DCLK1: variants seen among roughly 807,000 people sequenced by gnomAD.
The protein encoded by DCLK1 is doublecortin like kinase 1.
A neutral mutation model predicts 86.2 loss-of-function variants in DCLK1; 16 were observed. The ratio of observed to expected loss-of-function variants is 0.19; its 90% CI spans 0.13 to 0.28. DCLK1 has a LOEUF of 0.28. DCLK1 is among the 10% of genes least tolerant of loss of function. The pLI is 1.00. For missense variants in DCLK1, 590 were observed against 940.2 expected (o/e 0.63, Z 4.87); for synonymous variants, 369 against 370.5 (o/e 1.00, Z 0.05).
intron 4 of DCLK1, among the ~76,000 whole-genome samples, chr13:35,880,392 C>G (rs1322626982): frequency 6.6e-6 from 1 of 152,152 alleles, no homozygotes; most frequent in Non-Finnish European, 1.5e-5. Context: ...AGGCTGCCCT[C>G]TAGGTAAGGT....
At chr13:35,777,971 C>T (rs1245556358) in intron 16 of DCLK1, among the ~76,000 whole-genome samples, 6 of 152,228 alleles carry the variant, frequency 3.9e-5, no homozygotes, top group Non-Finnish European at 7.3e-5. Context: ...TTTGTAGACT[C>T]TTTGGAGGAC....
chr13:36,114,578 C>G (rs942014970), intron 2 of DCLK1, among the ~76,000 whole-genome samples: 3 of 152,174 alleles, frequency 2.0e-5, no homozygotes, highest in African/African-American at 7.2e-5. Context: ...AATAAATTTC[C>G]ATTGATTTCC....
intron 4 of DCLK1, among the ~76,000 whole-genome samples, chr13:35,911,628 A>G (rs1408451401): frequency 6.6e-6 from 1 of 152,204 alleles, no homozygotes; most frequent in African/African-American, 2.4e-5. Context: ...TCTGCCACCC[A>G]GAACATTACA....
chr13:36,005,823 T>C lies in DCLK1; in HGVS notation c.724-58366A>G, dbSNP rs1056551169. On this transcript the variant is annotated intron_variant, in intron 3 of 16. Coordinates refer to ENST00000360631, the MANE Select transcript of DCLK1 (RefSeq NM_001330071.2). ...AATGTGGCACATATATGCCATGGAA[T>C]ACTATGCAGCCATAAAAAAGAATGA... is the stretch of plus-strand genomic sequence containing the variant. Among the ~76,000 whole-genome samples the C allele has an allele frequency of 9.2e-5, 14 of 152,180 alleles. 1 individual carries two copies. The highest frequency in any genetic ancestry group is 7.9e-4 in the Admixed American group (12 of 15,284).
chr13:36,034,297 T>G (rs1179555347), intron 3 of DCLK1, among the ~76,000 whole-genome samples: 1 of 152,214 alleles, frequency 6.6e-6, no homozygotes, highest in South Asian at 2.1e-4. Flanking sequence ...AGAAATTAAA[T>G]TAGAATTTTA....
intron 3 of DCLK1, among the ~76,000 whole-genome samples, chr13:36,070,924 C>T (rs140008478): frequency 6.6e-6 from 1 of 152,112 alleles, no homozygotes; most frequent in Non-Finnish European, 1.5e-5. Context: ...GGATTACAGG[C>T]GTGAGCCACC....
intron 4 of DCLK1, among the ~76,000 whole-genome samples, chr13:35,885,691 A>G (rs1873185278): frequency 6.6e-6 from 1 of 152,210 alleles, no homozygotes; most frequent in African/African-American, 2.4e-5. Flanking sequence ...AAAATCAGGC[A>G]TTAAATTAGG....
chr13:35,849,681 A>G (rs1870466345), intron 6 of DCLK1: 1 of 984,364 alleles, frequency 1.0e-6, no homozygotes, highest in African/African-American at 1.7e-5. Flanking sequence ...CATAGACTTA[A>G]TTGGTTTAAC....
chr13:35,952,171 T>TA (rs1183325447), intron 3 of DCLK1, among the ~76,000 whole-genome samples: 4 of 152,172 alleles, frequency 2.6e-5, no homozygotes, highest in Non-Finnish European at 5.9e-5. Context: ...ATCGAGTGCA[T>TA]ACGTAATATA....
chr13:35,818,609 G>A (rs1227607850), intron 11 of DCLK1, among the ~76,000 whole-genome samples: 1 of 152,098 alleles, frequency 6.6e-6, no homozygotes, highest in Non-Finnish European at 1.5e-5. Flanking sequence ...AAAAACTAGT[G>A]ATGTGAGTTA....
chr13:35,829,511 T>C (rs564246463), intron 8 of DCLK1, among the ~76,000 whole-genome samples: 43 of 152,292 alleles, frequency 2.8e-4, no homozygotes, highest in African/African-American at 1.0e-3. Context: ...TTAAGTGGGA[T>C]TTCCTGGTTA....
At chr13:35,888,588 G>C (rs1222314227) in intron 4 of DCLK1, among the ~76,000 whole-genome samples, 1 of 152,184 alleles carries the variant, frequency 6.6e-6, no homozygotes, top group Non-Finnish European at 1.5e-5. Flanking sequence ...TACGAAGGCA[G>C]CCATCTAATA....
chr13:35,851,148 T>C (rs974594392), intron 6 of DCLK1, among the ~76,000 whole-genome samples: 10 of 152,168 alleles, frequency 6.6e-5, no homozygotes, highest in Admixed American at 3.9e-4. Context: ...TACCTCACAA[T>C]AAAATAATTT....
intron 4 of DCLK1, among the ~76,000 whole-genome samples, chr13:35,880,525 T>C (rs987177452): frequency 1.3e-5 from 2 of 152,168 alleles, no homozygotes; most frequent in Admixed American, 1.3e-4. Context: ...TTTTCTTACC[T>C]ATTGAGATGT....
intron 8 of DCLK1, among the ~76,000 whole-genome samples, chr13:35,835,628 A>G (rs1403250247): frequency 1.3e-5 from 2 of 152,222 alleles, no homozygotes; most frequent in Non-Finnish European, 2.9e-5. Context: ...AAGCTTTTCA[A>G]GATGATCGTG....
At chr13:36,026,457 T>C (rs1882037564) in intron 3 of DCLK1, among the ~76,000 whole-genome samples, 1 of 152,320 alleles carries the variant, frequency 6.6e-6, no homozygotes, top group African/African-American at 2.4e-5. Context: ...AAAGCAAAGA[T>C]CTAATCAATT....
chr13:35,904,470 G>A lies in DCLK1; in HGVS notation c.824-33130C>T, dbSNP rs536492104. Among the ~76,000 whole-genome samples the A allele has an allele frequency of 4.6e-5, 7 of 152,346 alleles. 1 individual carries two copies. The highest frequency in any genetic ancestry group is 1.4e-4 in the African/African-American group (6 of 41,586). On this transcript the variant is annotated intron_variant, in intron 4 of 16. Transcript: ENST00000360631. ...ACCTCCCAAAGTGCTGAGATTACAG[G>A]CATAAGCCACTGTGCCTGGCCTAAT...
chr13:35,946,473 C>T (rs1426322991), intron 4 of DCLK1, among the ~76,000 whole-genome samples: 1 of 152,234 alleles, frequency 6.6e-6, no homozygotes, highest in African/African-American at 2.4e-5. Context: ...GTGACCACAT[C>T]ACTTTTCCCA....
chr13:36,098,924 T>C (rs560467445), intron 3 of DCLK1, among the ~76,000 whole-genome samples: 1 of 152,252 alleles, frequency 6.6e-6, no homozygotes, highest in African/African-American at 2.4e-5. Context: ...TGGAAATCTG[T>C]TTATTAGCAT....
Sources: gnomAD v4.1 joint callset for allele counts (sites outside exome capture counted in the v4.1 genomes callset) on GRCh38, gnomAD v4.1.1 for gene constraint, MANE v1.5 for transcripts, NCBI Gene and HGNC (gene_info 2026-07-23, HGNC 2026-07-21) for gene names.